SQLE: variants seen among roughly 807,000 people sequenced by gnomAD.
SQLE encodes squalene monooxygenase.
Under a neutral mutation model 60.7 loss-of-function variants are expected in SQLE, and 29 were observed. The ratio of observed to expected loss-of-function variants is 0.48; its 90% CI spans 0.36 to 0.65. SQLE has a LOEUF of 0.65. Ranked by LOEUF, SQLE falls within the 30% of genes least tolerant of loss-of-function variation. The probability of loss-of-function intolerance (pLI) is 0.00; values close to 1 mark genes in which losing one functional copy is unlikely to be tolerated. For missense variants in SQLE, 605 were observed against 684.1 expected (o/e 0.88, Z 1.29); for synonymous variants, 237 against 246.8 (o/e 0.96, Z 0.37).
chr8:125,009,429 C>A, intron 6 of SQLE, 86 bp downstream of exon 6: 2 of 1,262,768 alleles, frequency 1.6e-6, no homozygotes, highest in Non-Finnish European at 2.2e-6. Context: ...TTCATCCAGT[C>A]AACCAGATAT....
intron 2 of SQLE, among the ~76,000 whole-genome samples, chr8:125,003,755 GTA>G (rs750494969): frequency 6.6e-5 from 10 of 152,084 alleles, no homozygotes; most frequent in Non-Finnish European, 1.5e-4. Flanking sequence ...AGGGTATGTT[GTA>G]TACTTGTTAC....
Position 125,018,139 on chromosome 8 carries a change from A to G in SQLE, c.1285A>G (p.Lys429Glu), listed in dbSNP as rs780565828. The change falls in exon 8 of 11, where the codon AAA becomes GAA. Residue 429 changes from lysine to glutamate, a missense_variant. By Grantham distance (56) the Lys-to-Glu change is moderately conservative (BLOSUM62 1). Coordinates refer to ENST00000265896, the MANE Select transcript of SQLE (RefSeq NM_003129.4). ...AATGACTGTTGCTTTTAAAGATATAAAACTATGGAGAAAACTGCTAAAGGG... is the reference window on the plus strand; with the variant it reads ...AATGACTGTTGCTTTTAAAGATATAGAACTATGGAGAAAACTGCTAAAGGG... ...GGMTVAFKDI[K>E]LWRKLLKGIP... 6.2e-7 allele frequency: 1 copy of G among 1,613,800 alleles called. No homozygotes were observed. The highest frequency in any genetic ancestry group is 8.5e-7 in the Non-Finnish European group (1 of 1,179,852).
rs1354328209 is a variant in SQLE, at chr8:125,022,014, G to A, written c.*69G>A. On this transcript the variant is annotated 3_prime_UTR_variant, in exon 11 of 11. Transcript: ENST00000265896. ...AAGTCCTAAGAGACTTTTGGAAGAG[G>A]ATATATATAGCATAGTACCATACCA... 1.6e-6 allele frequency: 2 copies of A among 1,231,576 alleles called. No homozygotes were observed. Among genetic ancestry groups the A allele is most frequent in the Non-Finnish European group, 2.2e-6 (2 of 889,244 alleles). 76.3% of individuals were successfully genotyped at this position (1,231,576 alleles called of 1,614,324 possible).
At chr8:125,021,181 A>G (rs1052170011) in intron 10 of SQLE, among the ~76,000 whole-genome samples, 43 of 152,320 alleles carry the variant, frequency 2.8e-4, no homozygotes, top group African/African-American at 1.0e-3. Flanking sequence ...AGAAATTTTA[A>G]TTTAAGAATT....
At chr8:125,001,907 A>G (rs1326857776) in intron 1 of SQLE, among the ~76,000 whole-genome samples, 1 of 152,188 alleles carries the variant, frequency 6.6e-6, no homozygotes, top group Non-Finnish European at 1.5e-5. Flanking sequence ...AATGTATTCA[A>G]ATGTGTGAAT....
intron 6 of SQLE, among the ~76,000 whole-genome samples, chr8:125,009,784 A>G (rs1328895815): frequency 6.6e-6 from 1 of 151,508 alleles, no homozygotes; most frequent in East Asian, 1.9e-4. Flanking sequence ...CAAGAGCGAA[A>G]CTCCGTCTCA....
chr8:125,002,461 T>G (rs1430941215), intron 1 of SQLE, among the ~76,000 whole-genome samples: 2 of 152,214 alleles, frequency 1.3e-5, no homozygotes, highest in Non-Finnish European at 2.9e-5. Flanking sequence ...GAGGATCACC[T>G]GAGGTCGGGA....
intron 6 of SQLE, among the ~76,000 whole-genome samples, chr8:125,010,751 T>A (rs902757575): frequency 6.6e-6 from 1 of 152,112 alleles, no homozygotes; most frequent in Non-Finnish European, 1.5e-5. Flanking sequence ...TTATTTTTCT[T>A]TTATTGTAAA....
intron 1 of SQLE, among the ~76,000 whole-genome samples, chr8:125,002,701 CAAAA>C (rs967106025): frequency 6.6e-6 from 1 of 151,638 alleles, no homozygotes; most frequent in African/African-American, 2.4e-5. Flanking sequence ...AAAAAACAAA[CAAAA>C]AAAAGAAAAT....
In SQLE at chr8:125,008,166, T is replaced by G. The variant is rs1460298633; in HGVS notation, c.822+679T>G. ...GTGCAATGGTGCGATCTCGGCTCAC[T>G]GCAACCTCCACCTCCCAGGTTCAAG... On this transcript the variant is annotated intron_variant, in intron 4 of 10. Transcript: ENST00000265896. Among the ~76,000 whole-genome samples the G allele has an allele frequency of 1.2e-4, 18 of 152,312 alleles. No individual in the cohort carries two copies. In the East Asian group the frequency reaches 3.5e-3, roughly 29 times the overall value.
At chr8:125,020,092 G>A (rs1466583923) in intron 9 of SQLE, among the ~76,000 whole-genome samples, 1 of 152,164 alleles carries the variant, frequency 6.6e-6, no homozygotes, top group Non-Finnish European at 1.5e-5. Context: ...AACTTCTTGA[G>A]TTCTTAACAT....
intron 8 of SQLE, among the ~76,000 whole-genome samples, 154 bp downstream of exon 8, chr8:125,018,355 C>T (rs1370170617): frequency 6.6e-6 from 1 of 152,184 alleles, no homozygotes; most frequent in Non-Finnish European, 1.5e-5. Context: ...ACCTGACTTG[C>T]AACCTGTGAA....
Position 124,998,528 on chromosome 8 carries a change from A to G in SQLE, c.-876A>G. On this transcript the variant is annotated 5_prime_UTR_variant, in exon 1 of 11. Coordinates refer to ENST00000265896, the MANE Select transcript of SQLE (RefSeq NM_003129.4). ...CTGAGACGCGTGGAGCCTGGCGGCG[A>G]GTGGGGGCGTGCGACGGTTACTCTG... is the stretch of plus-strand genomic sequence containing the variant. 1 of 664,042 alleles carries G rather than the reference A, an allele frequency of 1.5e-6. No individual in the cohort carries two copies. The highest frequency in any genetic ancestry group is 2.7e-6 in the Non-Finnish European group (1 of 367,114). 41.1% of individuals were successfully genotyped at this position (664,042 alleles called of 1,614,324 possible). A position where few individuals can be genotyped will look rare whatever the true frequency, so the allele number is the denominator to read the frequency against.
Position 125,018,153 on chromosome 8 carries a change from A to T in SQLE, c.1299A>T (p.Lys433Asn), listed in dbSNP as rs201827636. 3 of 1,613,854 alleles carry T rather than the reference A, an allele frequency of 1.9e-6. No homozygotes were observed. Among genetic ancestry groups the T allele is most frequent in the Non-Finnish European group, 2.5e-6 (3 of 1,179,832 alleles). ...VAFKDIKLWR[K>N]LLKGIPDLYD... ...TTAAAGATATAAAACTATGGAGAAAACTGCTAAAGGGTATCCCTGACCTTT... is the reference window on the plus strand; with the variant it reads ...TTAAAGATATAAAACTATGGAGAAATCTGCTAAAGGGTATCCCTGACCTTT... Residue 433 changes from lysine to asparagine, a missense_variant, in exon 8 of 11, where the codon AAA (lysine) becomes AAT (asparagine). Coordinates refer to ENST00000265896, the MANE Select transcript of SQLE (RefSeq NM_003129.4).
chr8:124,999,230 T>G lies in SQLE; in HGVS notation c.-174T>G. The G allele has an allele frequency of 1.8e-6, 1 of 547,832 alleles. No homozygotes were observed. The highest frequency in any genetic ancestry group is 7.5e-5 in the South Asian group (1 of 13,272). 33.9% of individuals were successfully genotyped at this position (547,832 alleles called of 1,614,324 possible). ...TGGCTTCACATACTTTTACACTAAC[T>G]TTATATGATTTTTAAAAACTGGTCT... On this transcript the variant is annotated 5_prime_UTR_variant, in exon 1 of 11. Transcript: ENST00000265896.
intron 6 of SQLE, 63 bp downstream of exon 6, chr8:125,009,406 G>T: frequency 1.4e-6 from 2 of 1,424,496 alleles, no homozygotes; most frequent in South Asian, 2.8e-5. Context: ...AGATAAGGAT[G>T]GCAGGTGAAA....
chr8:125,000,169 T>C (rs1306936410), intron 1 of SQLE: 4 of 399,350 alleles, frequency 1.0e-5, no homozygotes, highest in Non-Finnish European at 2.0e-5. Flanking sequence ...TTTTGAGGCA[T>C]TGGGCTCAAA....
At chr8:125,001,547 G>GCTTGT (rs1166732455) in intron 1 of SQLE, among the ~76,000 whole-genome samples, 3 of 151,444 alleles carry the variant, frequency 2.0e-5, no homozygotes, top group Non-Finnish European at 2.9e-5. Context: ...GACAAAAGGG[G>GCTTGT]CTTGTCTTGC....
chr8:124,998,696 C>T lies in SQLE; in HGVS notation c.-708C>T, dbSNP rs1231949705. On this transcript the variant is annotated 5_prime_UTR_variant, in exon 1 of 11. Transcript: ENST00000265896. The stretch of plus-strand genomic sequence containing the variant: ...GGTGGGGAAGTGCAGTCGCGGTGGG[C>T]GGCTCTGGGGGCCAGCGAAACGGGA... 6 of 631,502 alleles carry T rather than the reference C, an allele frequency of 9.5e-6. No individual in the cohort carries two copies. In the East Asian group the frequency reaches 1.3e-4, roughly 13 times the overall value. The allele number at this position is 631,502 out of a possible 1,614,324, so 39.1% of individuals were successfully genotyped here. A position where few individuals can be genotyped will look rare whatever the true frequency, so the allele number is the denominator to read the frequency against.
Sources: gnomAD v4.1 joint callset for allele counts (sites outside exome capture counted in the v4.1 genomes callset) on GRCh38, gnomAD v4.1.1 for gene constraint, MANE v1.5 for transcripts, NCBI Gene and HGNC (gene_info 2026-07-23, HGNC 2026-07-21) for gene names.